INPP5F: variants seen among roughly 807,000 people sequenced by gnomAD.
INPP5F encodes the protein inositol polyphosphate-5-phosphatase F, also known as phosphatidylinositide 4-phosphatase SAC2.
A neutral mutation model predicts 137.2 loss-of-function variants in INPP5F; 97 were observed. The ratio of observed to expected loss-of-function variants is 0.71; its 90% confidence interval spans 0.60 to 0.84. The LOEUF (loss-of-function observed/expected upper bound fraction) is 0.84, where lower values mean the gene tolerates loss of function less well. INPP5F is among the 40% of genes least tolerant of loss of function. The probability of loss-of-function intolerance (pLI) is 0.00; values close to 1 mark genes in which losing one functional copy is unlikely to be tolerated. For synonymous variants in INPP5F, 504 were observed against 476.9 expected (o/e 1.06, Z -0.74); for missense variants, 1,271 against 1,371.9 (o/e 0.93, Z 1.16).
At chr10:119,790,572 G>T (rs1850104709) in intron 3 of INPP5F, among the ~76,000 whole-genome samples, 1 of 152,090 alleles carries the variant, frequency 6.6e-6, no homozygotes, top group Non-Finnish European at 1.5e-5. Context: ...CTCAATCAAA[G>T]CTTAAACTCG....
chr10:119,806,943 C>T (rs1209381943), intron 12 of INPP5F, among the ~76,000 whole-genome samples: 11 of 151,752 alleles, frequency 7.2e-5, no homozygotes, highest in African/African-American at 1.7e-4. Context: ...TCCTTGAGTG[C>T]CTCCTATTGG....
intron 2 of INPP5F, among the ~76,000 whole-genome samples, chr10:119,761,106 T>C (rs1848997252): frequency 6.6e-6 from 1 of 152,222 alleles, no homozygotes; most frequent in African/African-American, 2.4e-5. Flanking sequence ...ATAGATTATT[T>C]CAAGGTTATT....
chr10:119,747,331 C>T (rs868298842), intron 1 of INPP5F, among the ~76,000 whole-genome samples: 160 of 151,562 alleles, frequency 1.1e-3, no homozygotes, highest in African/African-American at 3.6e-3. Context: ...AAGCAATTCT[C>T]ATGCCTCAGC....
At chr10:119,753,043 A>G (rs1053710523) in intron 2 of INPP5F, among the ~76,000 whole-genome samples, 1 of 152,058 alleles carries the variant, frequency 6.6e-6, no homozygotes. Context: ...TTCAACACAG[A>G]GGAGAAAAGC....
At chr10:119,796,001 A>G (rs1304196377) in intron 6 of INPP5F, among the ~76,000 whole-genome samples, 1 of 134,578 alleles carries the variant, frequency 7.4e-6, no homozygotes, top group Non-Finnish European at 1.5e-5. Context: ...TCAGGCAGGG[A>G]GGTTGCAGTG....
intron 2 of INPP5F, among the ~76,000 whole-genome samples, chr10:119,759,492 C>T (rs1174209421): frequency 4.6e-5 from 7 of 151,798 alleles, no homozygotes; most frequent in African/African-American, 1.7e-4. Context: ...TTGGTTTAAG[C>T]GATTCTTGTG....
intron 2 of INPP5F, among the ~76,000 whole-genome samples, chr10:119,770,639 G>C (rs1385952602): frequency 6.6e-6 from 1 of 152,110 alleles, no homozygotes; most frequent in East Asian, 1.9e-4. Flanking sequence ...TTTTCTGTGA[G>C]GTCTTCTTTT....
intron 1 of INPP5F, among the ~76,000 whole-genome samples, chr10:119,747,045 T>C (rs1848555877): frequency 6.6e-6 from 1 of 152,088 alleles, no homozygotes; most frequent in South Asian, 2.1e-4. Context: ...TGCCTCGGCC[T>C]TCCGAAGTGC....
chr10:119,805,397 T>A lies in INPP5F; in HGVS notation c.1255T>A (p.Phe419Ile), dbSNP rs759193376. ...CATGGATTTTAGCCGAGGAATGAAG[T>A]TTGAGAATGTTCAGACACTAACAGA... ...DFHEHCRGMK[F>I]ENVQTLTDAI... The change falls in exon 11 of 20, where the codon TTT becomes ATT. Residue 419 changes from phenylalanine (F) to isoleucine (I), a missense_variant. This residue lies in a region of INPP5F where 593 missense variants were observed against 712.4 expected (regional missense o/e 0.83). Coordinates refer to ENST00000650623, the MANE Select transcript of INPP5F (RefSeq NM_014937.4). The A allele has an allele frequency of 6.2e-7, 1 of 1,612,404 alleles. No individual in the cohort carries two copies. Among genetic ancestry groups the A allele is most frequent in the South Asian group, 1.1e-5 (1 of 90,956 alleles).
At chr10:119,824,462 C>CATGG (rs1392759091) in intron 19 of INPP5F, among the ~76,000 whole-genome samples, 1 of 152,146 alleles carries the variant, frequency 6.6e-6, no homozygotes, top group Non-Finnish European at 1.5e-5. Context: ...TAAGGTTATG[C>CATGG]ATGGTCAGGA....
rs539126900 is a variant in INPP5F at position 119,820,917 on chromosome 10, A to G, written c.1958A>G (p.Tyr653Cys). The change falls in exon 16 of 20, where the codon TAT (tyrosine) becomes TGT (cysteine). Residue 653 changes from tyrosine (Y) to cysteine (C), a missense_variant and splice_region_variant. Tyr to Cys is a radical substitution (Grantham distance 194, BLOSUM62 -2). Coordinates refer to ENST00000650623, the MANE Select transcript of INPP5F (RefSeq NM_014937.4). ...LLSNSAYYVA[Y>C]YDDEVDKVNQ... ...TCTAACTCTGCCTACTACGTGGCCT[A>G]GTAAGTTGCTTATTGATTTAAAGGT... 7 of 1,590,592 alleles carry G rather than the reference A, an allele frequency of 4.4e-6. No individual in the cohort carries two copies. The African/African-American group carries it at 8.0e-5, about 18-fold the overall frequency.
chr10:119,769,767 G>A (rs1849282937), intron 2 of INPP5F, among the ~76,000 whole-genome samples: 1 of 152,096 alleles, frequency 6.6e-6, no homozygotes. Context: ...TCAGGCCTTC[G>A]GACTTGGACT....
chr10:119,817,366 T>G (rs1282099690), intron 15 of INPP5F, among the ~76,000 whole-genome samples: 1 of 152,256 alleles, frequency 6.6e-6, no homozygotes, highest in East Asian at 1.9e-4. Flanking sequence ...CCAGATTATC[T>G]GATAATCCTG....
chr10:119,744,323 C>T (rs12778977), intron 1 of INPP5F, among the ~76,000 whole-genome samples: 6,298 of 152,258 alleles, frequency 0.041, 226 homozygotes, highest in South Asian at 0.21. Context: ...CTCCATCCTT[C>T]CCCTTGCTAA....
chr10:119,744,195 C>T (rs1172313623), intron 1 of INPP5F, among the ~76,000 whole-genome samples: 1 of 152,190 alleles, frequency 6.6e-6, no homozygotes, highest in Non-Finnish European at 1.5e-5. Flanking sequence ...TGACTCCCCC[C>T]CTTTTTCTTG....
At chr10:119,780,660 G>C (rs1849671289) in intron 2 of INPP5F, among the ~76,000 whole-genome samples, 1 of 152,170 alleles carries the variant, frequency 6.6e-6, no homozygotes, top group Non-Finnish European at 1.5e-5. Flanking sequence ...ATTGAGTTCT[G>C]TGTCTGTGGA....
chr10:119,806,995 G>A (rs1338401113), intron 12 of INPP5F, among the ~76,000 whole-genome samples: 1 of 152,054 alleles, frequency 6.6e-6, no homozygotes, highest in Non-Finnish European at 1.5e-5. Context: ...TGTAGGCTGG[G>A]CGCAGTGGCT....
intron 10 of INPP5F, among the ~76,000 whole-genome samples, chr10:119,804,992 A>G (rs886937007): frequency 3.3e-5 from 5 of 152,118 alleles, no homozygotes; most frequent in Non-Finnish European, 5.9e-5. Flanking sequence ...CTCCCAAAGT[A>G]CTGGGATTAC....
In INPP5F at chr10:119,811,973, C is replaced by A. The variant is rs1851054418; in HGVS notation, c.1886+18C>A. 1 of 1,597,802 alleles carries A rather than the reference C, an allele frequency of 6.3e-7. No homozygotes were observed. Among genetic ancestry groups the A allele is most frequent in the Admixed American group, 1.7e-5 (1 of 59,874 alleles). ...GACCCTAGGTGAGTTGGAGTGGTGT[C>A]CAGGTGACCAGCTTGCTTAACTGAT... On this transcript the variant is annotated intron_variant, in intron 15 of 19. Coordinates refer to ENST00000650623, the MANE Select transcript of INPP5F (RefSeq NM_014937.4).
Sources: gnomAD v4.1 joint callset for allele counts (sites outside exome capture counted in the v4.1 genomes callset) on GRCh38, gnomAD v4.1.1 for gene constraint, gnomAD v4.1.1 regional missense constraint, MANE v1.5 for transcripts, NCBI Gene and HGNC (gene_info 2026-07-23, HGNC 2026-07-21) for gene names.